The following EIF4E3 variants were observed in gnomAD, a reference collection of about 807,000 sequenced individuals.
EIF4E3 encodes the protein eukaryotic translation initiation factor 4E type 3.
A neutral mutation model predicts 31.7 loss-of-function variants in EIF4E3; 26 were observed. The observed-to-expected ratio is 0.82, with a 90% CI of 0.60 to 1.14. The LOEUF (loss-of-function observed/expected upper bound fraction) is 1.14, where lower values mean the gene tolerates loss of function less well. Among genes scored for constraint, EIF4E3 ranks in the 50% most tolerant of loss-of-function variants. EIF4E3 has a pLI of 0.00. For missense variants in EIF4E3, 304 were observed against 270.9 expected (o/e 1.12, Z -0.86); for synonymous variants, 128 against 107.7 (o/e 1.19, Z -1.17).
intron 1 of EIF4E3, among the ~76,000 whole-genome samples, chr3:71,718,855 T>G (rs2049504112): frequency 1.3e-5 from 2 of 152,050 alleles, no homozygotes; most frequent in African/African-American, 2.4e-5. Flanking sequence ...TCACAAAAAA[T>G]AAAATCCTGG....
chr3:71,704,115 A>G (rs1450944037), intron 2 of EIF4E3, among the ~76,000 whole-genome samples: 2 of 152,236 alleles, frequency 1.3e-5, no homozygotes, highest in Non-Finnish European at 2.9e-5. Flanking sequence ...TTTCCTTTGA[A>G]TTCCAAAAAG....
the EIF4E3 span, among the ~76,000 whole-genome samples, chr3:71,664,995 C>T: frequency 6.6e-6 from 1 of 152,204 alleles, no homozygotes; most frequent in South Asian, 2.1e-4. Context: ...GAAGCCACTA[C>T]TCCACAACTT....
At chr3:71,660,233 C>T in the EIF4E3 span, among the ~76,000 whole-genome samples, 2 of 151,756 alleles carry the variant, frequency 1.3e-5, no homozygotes, top group East Asian at 3.9e-4. Context: ...CTGTCTGAAT[C>T]GGCTGGAGGG....
At chr3:71,747,917 T>C (rs1258808528) in intron 1 of EIF4E3, among the ~76,000 whole-genome samples, 2 of 152,258 alleles carry the variant, frequency 1.3e-5, no homozygotes, top group Non-Finnish European at 2.9e-5. Flanking sequence ...GCTATACATA[T>C]ACACATAAAG....
chr3:71,666,287 C>T, the EIF4E3 span, among the ~76,000 whole-genome samples: 8 of 152,116 alleles, frequency 5.3e-5, no homozygotes, highest in Non-Finnish European at 1.2e-4. Flanking sequence ...CACAGAAATA[C>T]AAACTACCGT....
rs188081929 is a variant in EIF4E3, at chr3:71,680,950, A to C, written c.*3732T>G. The stretch of plus-strand genomic sequence containing the variant: ...TGAAGGGTAGAATTACATTTTTAAA[A>C]GGAAGTTCCATATTCAGAGTGCTAA... On this transcript the variant is annotated 3_prime_UTR_variant, in exon 7 of 7. Transcript: ENST00000425534. 2.6e-5 allele frequency: 4 copies of C among 152,356 alleles called. No homozygotes were observed. The highest frequency in any genetic ancestry group is 9.6e-5 in the African/African-American group (4 of 41,588). 9.4% of individuals were successfully genotyped at this position (152,356 alleles called of 1,614,324 possible).
chr3:71,679,675 ATACT>A lies in EIF4E3; in HGVS notation c.*5003_*5006del, dbSNP rs2048900998. ...GCTTATCACTCACATCGTTTAGGGA[ATACT>A]TATTTGATTTTTTTGACATTTCTAT... is the stretch of plus-strand genomic sequence containing the variant. On this transcript the variant is annotated 3_prime_UTR_variant, in exon 7 of 7. Coordinates refer to ENST00000425534, the MANE Select transcript of EIF4E3 (RefSeq NM_001134651.2). 6.6e-6 allele frequency: 1 copy of A among 152,192 alleles called. No individual in the cohort carries two copies. Among genetic ancestry groups the A allele is most frequent in the Non-Finnish European group, 1.5e-5 (1 of 68,016 alleles). 9.4% of individuals were successfully genotyped at this position (152,192 alleles called of 1,614,324 possible). A position where few individuals can be genotyped will look rare whatever the true frequency, so the allele number is the denominator to read the frequency against.
At chr3:71,710,375 G>A in intron 2 of EIF4E3, 37 bp downstream of exon 2, 3 of 1,541,508 alleles carry the variant, frequency 1.9e-6, no homozygotes, top group Non-Finnish European at 2.6e-6. Context: ...TCTGACGTGT[G>A]CCGTGTTAAT....
At chr3:71,704,212 A>G (rs2108060443) in intron 2 of EIF4E3, among the ~76,000 whole-genome samples, 1 of 152,358 alleles carries the variant, frequency 6.6e-6, no homozygotes, top group East Asian at 1.9e-4. Flanking sequence ...ATTTCCCACC[A>G]CATAGAAAGT....
rs766803125 is a variant in EIF4E3, at chr3:71,699,667, G to C, written c.291C>G (p.Ser97Arg). The C allele has an allele frequency of 2.5e-6, 4 of 1,613,536 alleles. No individual in the cohort carries two copies. The highest frequency in any genetic ancestry group is 3.4e-6 in the Non-Finnish European group (4 of 1,179,852). The change falls in exon 3 of 7, where the codon AGC becomes AGG. Residue 97 changes from serine (S) to arginine (R), a missense_variant. Physicochemically the swap from Ser to Arg is moderately radical, Grantham distance 110 (BLOSUM62 -1). Transcript: ENST00000425534. ...SVYNNIPPVT[S>R]LPLRCSYHLM... ...AATGATAACTACATCTCAAAGGCAG[G>C]CTAGTCACAGGAGGGATATTATTGT...
At chr3:71,696,970 G>C (rs770603401) in intron 3 of EIF4E3, among the ~76,000 whole-genome samples, 1 of 150,672 alleles carries the variant, frequency 6.6e-6, no homozygotes, top group Non-Finnish European at 1.5e-5. Context: ...CACCGGTCTC[G>C]GCCTCCCAAA....
chr3:71,672,199 C>A (rs1315156831), downstream of EIF4E3, among the ~76,000 whole-genome samples: 1 of 151,994 alleles, frequency 6.6e-6, no homozygotes. Context: ...CAAACGTGGG[C>A]TCTCTCTAAC....
upstream of EIF4E3, among the ~76,000 whole-genome samples, chr3:71,730,331 T>C (rs2049692192): frequency 6.6e-6 from 1 of 152,208 alleles, no homozygotes; most frequent in South Asian, 2.1e-4. Context: ...ATTCCTCATC[T>C]AGGGTACAGA....
chr3:71,665,389 G>A, the EIF4E3 span, among the ~76,000 whole-genome samples: 1 of 152,188 alleles, frequency 6.6e-6, no homozygotes, highest in Non-Finnish European at 1.5e-5. Context: ...GGTTGCACAT[G>A]GGTAGTGGCT....
intron 1 of EIF4E3, among the ~76,000 whole-genome samples, chr3:71,713,484 T>C (rs905828462): frequency 6.6e-6 from 1 of 151,452 alleles, no homozygotes; most frequent in Non-Finnish European, 1.5e-5. Context: ...TTGCCCAGGC[T>C]GGAGTGCAGT....
intron 1 of EIF4E3, among the ~76,000 whole-genome samples, chr3:71,714,160 C>A (rs1053993133): frequency 6.6e-6 from 1 of 151,192 alleles, no homozygotes; most frequent in Non-Finnish European, 1.5e-5. Flanking sequence ...TGCAGTGAGC[C>A]GAGATTGCGC....
At chr3:71,709,057 T>C (rs1341512073) in intron 2 of EIF4E3, among the ~76,000 whole-genome samples, 1 of 152,162 alleles carries the variant, frequency 6.6e-6, no homozygotes, top group Non-Finnish European at 1.5e-5. Flanking sequence ...GCATGCCACA[T>C]TTTTTGAACC....
In EIF4E3 at chr3:71,690,152, T is replaced by C; in HGVS notation, c.486A>G (p.Ile162Met). Residue 162 changes from isoleucine (I) to methionine (M), a missense_variant, in exon 6 of 7, where the codon ATA (isoleucine) becomes ATG (methionine). Ile to Met is a conservative substitution (Grantham distance 10). Coordinates refer to ENST00000425534, the MANE Select transcript of EIF4E3 (RefSeq NM_001134651.2). Reference sequence around the variant, plus strand: ...GGTCCCGAACACTGACACTAACTCCTATTACTTCATCATCTGAGGGGAAGA... The same window carrying C: ...GGTCCCGAACACTGACACTAACTCCCATTACTTCATCATCTGAGGGGAAGA... Reference protein sequence around the residue: ...TDCAAADDEVIGVSVSVRDRE... With the variant: ...TDCAAADDEVMGVSVSVRDRE... The C allele has an allele frequency of 1.2e-6, 2 of 1,608,878 alleles. No individual in the cohort carries two copies. The highest frequency in any genetic ancestry group is 2.2e-5 in the South Asian group (2 of 89,814).
At position 71,688,719 on chromosome 3, in the gene EIF4E3, T is replaced by C. The variant is rs150707489; in HGVS notation, c.628+1291A>G. On this transcript the variant is annotated intron_variant, in intron 6 of 6. Coordinates refer to ENST00000425534, the MANE Select transcript of EIF4E3 (RefSeq NM_001134651.2). Reference sequence around the variant, plus strand: ...AAACCCTTGATGACCTTTCAATTAATATCTGGGGTGAAAATACAATTAAAG... The same window carrying C: ...AAACCCTTGATGACCTTTCAATTAACATCTGGGGTGAAAATACAATTAAAG... Among the ~76,000 whole-genome samples the C allele has an allele frequency of 1.2e-4, 18 of 152,348 alleles. No individual in the cohort carries two copies. In the East Asian group the frequency reaches 2.1e-3, roughly 18 times the overall value.
Sources: allele counts gnomAD v4.1 joint callset (sites outside exome capture counted in the v4.1 genomes callset), GRCh38; gene constraint gnomAD v4.1.1; transcripts MANE v1.5; gene names NCBI Gene and HGNC (gene_info 2026-07-23, HGNC 2026-07-21).